The following CHRM3 variants were observed in gnomAD, a reference collection of about 807,000 sequenced individuals.
CHRM3 encodes the protein cholinergic receptor muscarinic 3.
A neutral mutation model predicts 41.8 loss-of-function variants in CHRM3; 11 were observed. The ratio of observed to expected loss-of-function variants is 0.26; its 90% CI spans 0.17 to 0.44. The LOEUF is 0.44. CHRM3 is among the 20% of genes least tolerant of loss of function. The pLI is 1.00. For missense variants in CHRM3, 571 were observed against 745.4 expected (o/e 0.77, Z 2.72); for synonymous variants, 297 against 301.4 (o/e 0.99, Z 0.15).
At chr1:239,897,508 C>T (rs1214744892) in intron 6 of CHRM3, among the ~76,000 whole-genome samples, 1 of 152,182 alleles carries the variant, frequency 6.6e-6, no homozygotes, top group Non-Finnish European at 1.5e-5. Context: ...TTTAAAAGCA[C>T]TGTTCTTTAT....
At chr1:239,406,391 A>C (rs1660598273) in intron 1 of CHRM3, among the ~76,000 whole-genome samples, 1 of 152,220 alleles carries the variant, frequency 6.6e-6, no homozygotes, top group Non-Finnish European at 1.5e-5. Flanking sequence ...ATGACAGAAG[A>C]AACAAAGAAA....
chr1:239,710,646 C>T (rs1391156384), intron 5 of CHRM3, among the ~76,000 whole-genome samples: 2 of 152,042 alleles, frequency 1.3e-5, no homozygotes, highest in African/African-American at 4.8e-5. Flanking sequence ...AACCAGGTAT[C>T]AGACAGAGAA....
At chr1:239,667,132 C>G (rs1673888275) in intron 4 of CHRM3, among the ~76,000 whole-genome samples, 1 of 152,102 alleles carries the variant, frequency 6.6e-6, no homozygotes, top group African/African-American at 2.4e-5. Flanking sequence ...GGCTTAATTT[C>G]TTTGTATCAC....
intron 5 of CHRM3, among the ~76,000 whole-genome samples, chr1:239,772,628 A>G (rs1006720460): frequency 3.3e-5 from 5 of 152,314 alleles, no homozygotes; most frequent in Non-Finnish European, 7.3e-5. Context: ...GAGCATTTAC[A>G]GCAGTTTACA....
chr1:239,791,061 A>C (rs895293657), intron 5 of CHRM3, among the ~76,000 whole-genome samples: 39 of 151,744 alleles, frequency 2.6e-4, no homozygotes, highest in Non-Finnish European at 4.3e-4. Context: ...AAAAAAAAAA[A>C]AAACACACAA....
At chr1:239,614,459 C>G (rs968637865) in intron 3 of CHRM3, among the ~76,000 whole-genome samples, 1 of 152,244 alleles carries the variant, frequency 6.6e-6, no homozygotes, top group African/African-American at 2.4e-5. Flanking sequence ...ACCAAGAGAA[C>G]AACCCAAAGA....
chr1:239,599,416 C>G (rs1006929902), intron 3 of CHRM3, among the ~76,000 whole-genome samples: 16 of 128,150 alleles, frequency 1.2e-4, no homozygotes, highest in Non-Finnish European at 2.1e-4. Flanking sequence ...ACTACTAAAT[C>G]CTCTGTTTAC....
intron 2 of CHRM3, among the ~76,000 whole-genome samples, chr1:239,534,725 G>A (rs1658028388): frequency 6.6e-6 from 1 of 152,080 alleles, no homozygotes; most frequent in Non-Finnish European, 1.5e-5. Context: ...ACATTTTAAA[G>A]GTTATTATGA....
intron 2 of CHRM3, among the ~76,000 whole-genome samples, chr1:239,543,208 C>T (rs891486323): frequency 7.2e-5 from 11 of 152,164 alleles, no homozygotes; most frequent in African/African-American, 1.2e-4. Context: ...GACACTATCC[C>T]GGTGGCCATC....
chr1:239,496,135 CT>C (rs1005355795), intron 2 of CHRM3, among the ~76,000 whole-genome samples: 5 of 151,970 alleles, frequency 3.3e-5, no homozygotes, highest in East Asian at 3.9e-4. Context: ...CTATTTATTT[CT>C]TTTTTTCTTG....
chr1:239,462,401 T>A (rs1665422447), intron 1 of CHRM3, among the ~76,000 whole-genome samples: 1 of 152,170 alleles, frequency 6.6e-6, no homozygotes, highest in Non-Finnish European at 1.5e-5. Context: ...TGAATCTTAA[T>A]GCTCAAAAGG....
At chr1:239,753,170 G>A (rs1665969738) in intron 5 of CHRM3, among the ~76,000 whole-genome samples, 1 of 152,134 alleles carries the variant, frequency 6.6e-6, no homozygotes, top group African/African-American at 2.4e-5. Context: ...TAAGTACTTA[G>A]AATGACTTCA....
intron 5 of CHRM3, among the ~76,000 whole-genome samples, chr1:239,789,271 G>A (rs1669154121): frequency 6.6e-6 from 1 of 152,226 alleles, no homozygotes; most frequent in Admixed American, 6.5e-5. Flanking sequence ...ACTGGAAAAT[G>A]TCATCTAGTT....
At chr1:239,816,313 G>T (rs1671582873) in intron 5 of CHRM3, among the ~76,000 whole-genome samples, 1 of 152,158 alleles carries the variant, frequency 6.6e-6, no homozygotes, top group Non-Finnish European at 1.5e-5. Context: ...ATACAGTCTT[G>T]CTTCACTACT....
At chr1:239,420,326 G>T (rs1359723330) in intron 1 of CHRM3, among the ~76,000 whole-genome samples, 1 of 152,178 alleles carries the variant, frequency 6.6e-6, no homozygotes, top group Admixed American at 6.5e-5. Context: ...GCACAGAGTT[G>T]TAGGCACCAG....
At chr1:239,429,557 A>G (rs1662659115) in intron 1 of CHRM3, among the ~76,000 whole-genome samples, 1 of 152,172 alleles carries the variant, frequency 6.6e-6, no homozygotes. Flanking sequence ...GCTGTTAATC[A>G]GTGCTTATTG....
chr1:239,397,896 G>C (rs1659632672), intron 1 of CHRM3, among the ~76,000 whole-genome samples: 1 of 151,756 alleles, frequency 6.6e-6, no homozygotes, highest in Non-Finnish European at 1.5e-5. Context: ...GCCAGTAACT[G>C]GGGGCACACA....
chr1:239,881,006 G>A (rs943645297), intron 6 of CHRM3, among the ~76,000 whole-genome samples: 3 of 152,198 alleles, frequency 2.0e-5, no homozygotes, highest in African/African-American at 7.2e-5. Flanking sequence ...CCCCTGGGCC[G>A]GGCGCGGTGG....
At chr1:239,425,563 G>C (rs1199101763) in intron 1 of CHRM3, among the ~76,000 whole-genome samples, 1 of 152,120 alleles carries the variant, frequency 6.6e-6, no homozygotes, top group East Asian at 1.9e-4. Context: ...GACTTCATCT[G>C]TAGGTGTTAA....
Sources: gnomAD v4.1 joint callset for allele counts (sites outside exome capture counted in the v4.1 genomes callset) on GRCh38, gnomAD v4.1.1 for gene constraint, MANE v1.5 for transcripts, NCBI Gene and HGNC (gene_info 2026-07-23, HGNC 2026-07-21) for gene names.